The following CNTN6 variants were observed in gnomAD, a reference collection of about 807,000 sequenced individuals.
CNTN6 encodes contactin 6.
CNTN6 carries 137 observed loss-of-function variants against 122.8 expected under a neutral mutation model. The ratio of observed to expected loss-of-function variants is 1.12; its 90% CI spans 0.97 to 1.29. The LOEUF (loss-of-function observed/expected upper bound fraction) is 1.29. CNTN6 is among the 50% of genes most tolerant of loss of function. The probability of loss-of-function intolerance (pLI) is 0.00; values close to 1 mark genes in which losing one functional copy is unlikely to be tolerated. For synonymous variants in CNTN6, 570 were observed against 426.0 expected (o/e 1.34, Z -4.16); for missense variants, 1,634 against 1,223.4 (o/e 1.34, Z -5.01).
chr3:1,330,984 A>G (rs1360040584), intron 11 of CNTN6, among the ~76,000 whole-genome samples: 1 of 151,930 alleles, frequency 6.6e-6, no homozygotes, highest in East Asian at 1.9e-4. Context: ...TGAATCTCCC[A>G]TGCCAGAAAA....
chr3:1,253,145 C>A (rs1482208733), intron 4 of CNTN6, among the ~76,000 whole-genome samples: 1 of 152,142 alleles, frequency 6.6e-6, no homozygotes, highest in Non-Finnish European at 1.5e-5. Context: ...TTCCAGACTC[C>A]TGTCTTAGTT....
intron 4 of CNTN6, among the ~76,000 whole-genome samples, chr3:1,272,721 A>G (rs1300933680): frequency 1.3e-5 from 2 of 152,028 alleles, no homozygotes; most frequent in African/African-American, 4.8e-5. Flanking sequence ...TTGGCAAACC[A>G]CTGGCCTCCT....
chr3:1,219,591 C>A (rs926278051), intron 2 of CNTN6, among the ~76,000 whole-genome samples: 8 of 152,186 alleles, frequency 5.3e-5, no homozygotes, highest in Admixed American at 3.9e-4. Flanking sequence ...GCCATTGATA[C>A]CTGACTATTC....
rs1452827742 is a variant in CNTN6 at position 1,392,884 on chromosome 3, G to A, written c.2704+7087G>A. On this transcript the variant is annotated intron_variant, in intron 20 of 22. Transcript: ENST00000446702. ...ACCATCTCACACCACTTAGAATGGC[G>A]ATCATTAAAAAGTCAGGAAACAACA... Among the ~76,000 whole-genome samples the A allele has an allele frequency of 3.4e-3, 427 of 126,386 alleles. 9 individuals are homozygous for A. The highest frequency in any genetic ancestry group is 0.016 in the Middle Eastern group (4 of 244). 82.9% of individuals were successfully genotyped at this position (126,386 alleles called of 152,430 possible).
chr3:1,321,013 T>A (rs920797578), intron 7 of CNTN6, among the ~76,000 whole-genome samples: 3 of 151,628 alleles, frequency 2.0e-5, no homozygotes, highest in Non-Finnish European at 4.4e-5. Context: ...TTTTTTTAAA[T>A]CGTATATAAA....
At chr3:1,129,444 G>T (rs1340535437) in intron 1 of CNTN6, among the ~76,000 whole-genome samples, 2 of 151,952 alleles carry the variant, frequency 1.3e-5, no homozygotes, top group Non-Finnish European at 2.9e-5. Context: ...ATGCATATAG[G>T]CACAGGCTGG....
intron 5 of CNTN6, among the ~76,000 whole-genome samples, chr3:1,283,523 A>G (rs1031695189): frequency 5.3e-5 from 8 of 152,210 alleles, no homozygotes; most frequent in African/African-American, 1.9e-4. Context: ...ATATGAAAAC[A>G]AGCAATCAAT....
At chr3:1,156,208 C>T (rs2092958305) in intron 2 of CNTN6, among the ~76,000 whole-genome samples, 1 of 152,154 alleles carries the variant, frequency 6.6e-6, no homozygotes, top group Non-Finnish European at 1.5e-5. Context: ...GATCCATTTC[C>T]ATTTATTAAA....
intron 4 of CNTN6, among the ~76,000 whole-genome samples, chr3:1,244,280 AAG>A (rs1269612011): frequency 6.6e-6 from 1 of 152,120 alleles, no homozygotes; most frequent in East Asian, 1.9e-4. Flanking sequence ...ACCCAGAGAA[AAG>A]AGAGCGTAGA....
intron 4 of CNTN6, among the ~76,000 whole-genome samples, chr3:1,261,197 C>G (rs759402371): frequency 1.3e-5 from 2 of 152,068 alleles, no homozygotes; most frequent in Non-Finnish European, 2.9e-5. Context: ...CTTTAAATGT[C>G]TACAGCACAA....
At chr3:1,229,690 G>C (rs910843089) in intron 4 of CNTN6, among the ~76,000 whole-genome samples, 3 of 152,018 alleles carry the variant, frequency 2.0e-5, no homozygotes, top group Non-Finnish European at 4.4e-5. Flanking sequence ...TTTTGTTTAT[G>C]CCATATCAGA....
rs953682653 is a variant in CNTN6, at chr3:1,300,228, C to T, written c.761+2237C>T. Among the ~76,000 whole-genome samples the T allele has an allele frequency of 5.9e-5, 9 of 152,026 alleles. No homozygotes were observed. In the South Asian group the frequency reaches 1.0e-3, roughly 18 times the overall value. On this transcript the variant is annotated intron_variant, in intron 7 of 22. Transcript: ENST00000446702. ...GTCTCGATCTGCTGACCTCGTGATC[C>T]GCCCGACTCAGCCTTCCTAAGTGCT...
intron 16 of CNTN6, 27 bp downstream of exon 16, chr3:1,374,100 G>A: frequency 1.9e-6 from 3 of 1,598,538 alleles, no homozygotes; most frequent in Non-Finnish European, 2.6e-6. Context: ...TTCTAAAAGT[G>A]TGGAAGATTT....
intron 5 of CNTN6, among the ~76,000 whole-genome samples, chr3:1,292,780 A>G (rs2125852507): frequency 6.6e-6 from 1 of 152,284 alleles, no homozygotes; most frequent in Middle Eastern, 3.4e-3. Flanking sequence ...ATTTAAAATT[A>G]TAATACGACA....
chr3:1,274,840 A>C (rs956171980), intron 4 of CNTN6, among the ~76,000 whole-genome samples: 1 of 152,176 alleles, frequency 6.6e-6, no homozygotes, highest in African/African-American at 2.4e-5. Flanking sequence ...AGTAATTACC[A>C]ATATTCTAGG....
intron 1 of CNTN6, among the ~76,000 whole-genome samples, chr3:1,125,358 A>C (rs2092122745): frequency 6.6e-6 from 1 of 151,844 alleles, no homozygotes; most frequent in African/African-American, 2.4e-5. Context: ...ACATAAGCAA[A>C]ATTTGGAAGG....
At chr3:1,148,446 A>T (rs1034925363) in intron 2 of CNTN6, among the ~76,000 whole-genome samples, 4 of 146,318 alleles carry the variant, frequency 2.7e-5, no homozygotes, top group Admixed American at 2.0e-4. Flanking sequence ...TTAAAAAATT[A>T]AAATTAAAAT....
At chr3:1,227,725 T>G (rs2094302101) in intron 3 of CNTN6, 93 bp from the exon 4 acceptor site, 2 of 1,333,010 alleles carry the variant, frequency 1.5e-6, no homozygotes, top group Middle Eastern at 1.9e-4. Context: ...TTGGTGTTTT[T>G]TATAGTTGCA....
At chr3:1,181,991 C>T (rs2093561778) in intron 2 of CNTN6, among the ~76,000 whole-genome samples, 1 of 152,100 alleles carries the variant, frequency 6.6e-6, no homozygotes, top group Non-Finnish European at 1.5e-5. Flanking sequence ...CATCACAGAA[C>T]ATCTCTTCAT....
Sources: gnomAD v4.1 joint callset for allele counts (sites outside exome capture counted in the v4.1 genomes callset) on GRCh38, gnomAD v4.1.1 for gene constraint, MANE v1.5 for transcripts, NCBI Gene and HGNC (gene_info 2026-07-23, HGNC 2026-07-21) for gene names.